The following INPP4B variants were observed in gnomAD, a reference collection of about 807,000 sequenced individuals.
INPP4B encodes the protein inositol polyphosphate 4-phosphatase type II.
A neutral mutation model predicts 122.5 loss-of-function variants in INPP4B; 55 were observed. The ratio of observed to expected loss-of-function variants is 0.45; its 90% CI spans 0.36 to 0.56. INPP4B has a LOEUF of 0.56. INPP4B is among the 20% of genes least tolerant of loss of function. The pLI, the probability that INPP4B is intolerant of heterozygous loss-of-function variation, is 0.00. For synonymous variants in INPP4B, 403 were observed against 388.7 expected, an observed-to-expected ratio of 1.04 and a Z score of -0.43; for missense variants, 1,000 against 1,097.7, an observed-to-expected ratio of 0.91 and a Z score of 1.26.
At chr4:142,812,368 C>T (rs553482494) in intron 1 of INPP4B, among the ~76,000 whole-genome samples, 5 of 152,274 alleles carry the variant, frequency 3.3e-5, no homozygotes, top group Non-Finnish European at 5.9e-5. Context: ...TTTTTTCTGG[C>T]TCTGTATGTC....
At chr4:142,473,566 C>T (rs1483124885) in intron 2 of INPP4B, among the ~76,000 whole-genome samples, 1 of 152,178 alleles carries the variant, frequency 6.6e-6, no homozygotes, top group Admixed American at 6.5e-5. Context: ...AAGACTTTGG[C>T]CCCAGAGCAG....
chr4:142,210,450 T>C (rs748684798), intron 12 of INPP4B, among the ~76,000 whole-genome samples: 3 of 150,070 alleles, frequency 2.0e-5, no homozygotes, highest in Non-Finnish European at 4.4e-5. Context: ...AATAATAGAG[T>C]AAAGAAAAAA....
chr4:142,340,561 C>T (rs1778358864), intron 7 of INPP4B, among the ~76,000 whole-genome samples: 1 of 152,118 alleles, frequency 6.6e-6, no homozygotes, highest in Non-Finnish European at 1.5e-5. Flanking sequence ...ATGTGTGCCA[C>T]CATGCCCAGC....
intron 11 of INPP4B, among the ~76,000 whole-genome samples, chr4:142,254,684 C>G (rs1347891181): frequency 6.6e-6 from 1 of 152,068 alleles, no homozygotes; most frequent in Non-Finnish European, 1.5e-5. Flanking sequence ...AACAAAGCCT[C>G]CAAGAAATAT....
intron 2 of INPP4B, among the ~76,000 whole-genome samples, chr4:142,649,158 G>A (rs1752419894): frequency 6.6e-6 from 1 of 152,158 alleles, no homozygotes; most frequent in Non-Finnish European, 1.5e-5. Context: ...CTAACAAACA[G>A]AAAGGAATAG....
At chr4:142,376,178 AC>A (rs1791772136) in intron 7 of INPP4B, among the ~76,000 whole-genome samples, 1 of 152,010 alleles carries the variant, frequency 6.6e-6, no homozygotes, top group South Asian at 2.1e-4. Context: ...CACAACTGAA[AC>A]CTAGTGTAGC....
intron 25 of INPP4B, among the ~76,000 whole-genome samples, chr4:142,067,808 C>A (rs1465166373): frequency 6.6e-6 from 1 of 152,096 alleles, no homozygotes; most frequent in Non-Finnish European, 1.5e-5. Context: ...ACGAACGAAG[C>A]CTCCAAGAAC....
At chr4:142,550,054 T>C (rs1580346489) in intron 2 of INPP4B, among the ~76,000 whole-genome samples, 1 of 152,152 alleles carries the variant, frequency 6.6e-6, no homozygotes, top group African/African-American at 2.4e-5. Context: ...TGTCCTTTTG[T>C]TTAAAATGAT....
intron 2 of INPP4B, among the ~76,000 whole-genome samples, chr4:142,705,458 AACACACACACACACACACAC>A (rs56300337): frequency 0.02 from 2,989 of 146,292 alleles, 94 homozygotes; most frequent in African/African-American, 0.07. Flanking sequence ...TCCCACCCCA[AACACACACACACACACACAC>A]ACACACACAC....
At chr4:142,703,552 T>G (rs1326250453) in intron 2 of INPP4B, among the ~76,000 whole-genome samples, 1 of 152,158 alleles carries the variant, frequency 6.6e-6, no homozygotes, top group Admixed American at 6.5e-5. Context: ...GGAGTCCCAT[T>G]AAACAAATTA....
In INPP4B at chr4:142,298,414, C is replaced by T. The variant is rs189889655; in HGVS notation, c.503+7044G>A. The stretch of plus-strand genomic sequence containing the variant: ...TAAAATAATTTGATCAGGCCATGCG[C>T]GGTGGCTCACACCTGTAACCCCAGC... On this transcript the variant is annotated intron_variant, in intron 9 of 25. Coordinates refer to ENST00000262992, the MANE Select transcript of INPP4B (RefSeq NM_001101669.3). 1.2e-3 allele frequency among the ~76,000 whole-genome samples: 183 copies of T among 151,982 alleles called. 4 individuals are homozygous for T. The highest frequency in any genetic ancestry group is 5.6e-3 in the East Asian group (29 of 5,144).
At chr4:142,557,739 G>A (rs1253925990) in intron 2 of INPP4B, among the ~76,000 whole-genome samples, 3 of 152,120 alleles carry the variant, frequency 2.0e-5, no homozygotes, top group Non-Finnish European at 2.9e-5. Flanking sequence ...AATATAAGGT[G>A]CAACTAAAAT....
chr4:142,212,872 C>G (rs140045845), intron 12 of INPP4B, among the ~76,000 whole-genome samples: 44 of 152,310 alleles, frequency 2.9e-4, no homozygotes, highest in Admixed American at 2.7e-3. Flanking sequence ...ATATAGCATC[C>G]TACATCAGTG....
At chr4:142,272,401 A>T (rs1268302801) in intron 9 of INPP4B, among the ~76,000 whole-genome samples, 2 of 152,088 alleles carry the variant, frequency 1.3e-5, no homozygotes, top group Non-Finnish European at 2.9e-5. Flanking sequence ...ATAGTGCAAT[A>T]AAATAAAAAA....
intron 25 of INPP4B, among the ~76,000 whole-genome samples, chr4:142,077,719 C>T (rs570009990): frequency 5.3e-4 from 81 of 151,602 alleles, no homozygotes; most frequent in Middle Eastern, 6.8e-3. Flanking sequence ...AATTATTAAG[C>T]CACCTTTGTG....
chr4:142,339,822 C>T (rs1778060081), intron 7 of INPP4B, among the ~76,000 whole-genome samples: 1 of 152,136 alleles, frequency 6.6e-6, no homozygotes, highest in Admixed American at 6.6e-5. Context: ...ATCTATTCCT[C>T]ATTGTATAGA....
At chr4:142,564,256 G>T (rs1248235901) in intron 2 of INPP4B, among the ~76,000 whole-genome samples, 1 of 152,102 alleles carries the variant, frequency 6.6e-6, no homozygotes, top group East Asian at 1.9e-4. Flanking sequence ...AGCCAGGAAG[G>T]CTTGGAGCAG....
intron 2 of INPP4B, among the ~76,000 whole-genome samples, chr4:142,485,056 TAGG>T (rs919592945): frequency 7.2e-5 from 11 of 152,098 alleles, no homozygotes; most frequent in African/African-American, 1.7e-4. Flanking sequence ...CATGGGATTT[TAGG>T]AGATTAGTTT....
At chr4:142,167,761 T>C (rs1288399788) in intron 16 of INPP4B, among the ~76,000 whole-genome samples, 2 of 151,670 alleles carry the variant, frequency 1.3e-5, no homozygotes, top group African/African-American at 4.8e-5. Flanking sequence ...GAAACATGTT[T>C]GAATTAATAA....
Sources: gnomAD v4.1 joint callset for allele counts (sites outside exome capture counted in the v4.1 genomes callset) on GRCh38, gnomAD v4.1.1 for gene constraint, MANE v1.5 for transcripts, NCBI Gene and HGNC (gene_info 2026-07-23, HGNC 2026-07-21) for gene names.